The following SH3KBP1 variants were observed in gnomAD, a reference collection of about 807,000 sequenced individuals.
The protein encoded by SH3KBP1 is SH3 domain-containing kinase-binding protein 1.
In SH3KBP1, 8 loss-of-function variants were observed where a neutral mutation model predicts 50.1. The ratio of observed to expected loss-of-function variants is 0.16; its 90% CI spans 0.09 to 0.29. SH3KBP1 has a LOEUF of 0.29. SH3KBP1 is among the 10% of genes least tolerant of loss of function. The probability of loss-of-function intolerance (pLI) is 1.00; values close to 1 mark genes in which losing one functional copy is unlikely to be tolerated. For missense variants in SH3KBP1, 377 were observed against 535.2 expected, an observed-to-expected ratio of 0.70 and a Z score of 2.92; for synonymous variants, 227 against 218.6, an observed-to-expected ratio of 1.04 and a Z score of -0.34.
At chrX:19,569,900 T>C in intron 12 of SH3KBP1, among the ~76,000 whole-genome samples, 1 of 111,843 alleles carries the variant, frequency 8.9e-6, no homozygotes, top group Non-Finnish European at 1.9e-5. Context: ...GACAGCTCTT[T>C]GCACCCTTTT....
chrX:19,887,287 C>G lies in SH3KBP1; in HGVS notation c.4+20G>C. On this transcript the variant is annotated intron_variant, in intron 1 of 17. Coordinates refer to ENST00000397821, the MANE Select transcript of SH3KBP1 (RefSeq NM_031892.3). Reference sequence around the variant, plus strand: ...CTCAAGGCTGAAGTGGACGCCCGGACGCGGGCGGCCCCCACTCACCCATTG... The same window carrying G: ...CTCAAGGCTGAAGTGGACGCCCGGAGGCGGGCGGCCCCCACTCACCCATTG... The G allele has an allele frequency of 1.0e-6, 1 of 975,431 alleles. No individual in the cohort carries two copies. The highest frequency in any genetic ancestry group is 1.3e-6 in the Non-Finnish European group (1 of 775,551). 80.4% of individuals were successfully genotyped at this position (975,431 alleles called of 1,213,427 possible).
chrX:19,798,229 C>A (rs1401997289), intron 2 of SH3KBP1, among the ~76,000 whole-genome samples: 1 of 110,022 alleles, frequency 9.1e-6, no homozygotes, highest in Admixed American at 9.7e-5. Flanking sequence ...GGACTACAGG[C>A]GTGTGTCACC....
intron 14 of SH3KBP1, among the ~76,000 whole-genome samples, chrX:19,547,760 G>A (rs1362749304): frequency 8.9e-6 from 1 of 111,799 alleles, no homozygotes; most frequent in Non-Finnish European, 1.9e-5. Flanking sequence ...GCCCCAGGCT[G>A]GGGAATCATG....
chrX:19,554,102 TATC>T (rs2065370235), intron 13 of SH3KBP1, among the ~76,000 whole-genome samples: 2 of 74,574 alleles, frequency 2.7e-5, no homozygotes, highest in African/African-American at 5.8e-5. Context: ...TAATATTATA[TATC>T]ATATTAAAAT....
intron 5 of SH3KBP1, among the ~76,000 whole-genome samples, chrX:19,685,234 C>T (rs933384178): frequency 3.6e-5 from 4 of 112,256 alleles, no homozygotes; most frequent in African/African-American, 1.3e-4. Context: ...AATGATACAC[C>T]AAATACTTGC....
intron 1 of SH3KBP1, among the ~76,000 whole-genome samples, chrX:19,861,171 T>C (rs1048537433): frequency 9.1e-6 from 1 of 110,063 alleles, no homozygotes; most frequent in South Asian, 3.8e-4. Flanking sequence ...GGTCAGGAGA[T>C]CGAGACCATC....
intron 3 of SH3KBP1, among the ~76,000 whole-genome samples, chrX:19,723,839 T>G (rs1603116473): frequency 9.0e-6 from 1 of 110,934 alleles, no homozygotes; most frequent in East Asian, 2.8e-4. Context: ...GATGATTGTG[T>G]GGGGATCAGA....
chrX:19,657,958 G>A (rs73459655), intron 6 of SH3KBP1, among the ~76,000 whole-genome samples: 157 of 110,333 alleles, frequency 1.4e-3, no homozygotes, highest in African/African-American at 4.8e-3. Flanking sequence ...TTTCAATTTT[G>A]CAAGATAAAA....
intron 2 of SH3KBP1, among the ~76,000 whole-genome samples, chrX:19,760,047 T>C (rs368286935): frequency 1.3e-3 from 86 of 67,083 alleles, no homozygotes; most frequent in African/African-American, 5.6e-3. Context: ...TCTCCCTCTC[T>C]CTCTCTCTCT....
chrX:19,629,315 A>G (rs1195779263), intron 8 of SH3KBP1, among the ~76,000 whole-genome samples: 1 of 110,556 alleles, frequency 9.0e-6, no homozygotes, highest in Non-Finnish European at 1.9e-5. Flanking sequence ...AGGATCATCT[A>G]TCTGGATTTT....
intron 2 of SH3KBP1, among the ~76,000 whole-genome samples, chrX:19,748,861 T>C (rs2064993945): frequency 9.0e-6 from 1 of 111,179 alleles, no homozygotes; most frequent in Non-Finnish European, 1.9e-5. Flanking sequence ...AAATTCAGTA[T>C]TATCCCCCTA....
chrX:19,854,461 C>T (rs748672024), intron 1 of SH3KBP1, among the ~76,000 whole-genome samples: 1 of 111,801 alleles, frequency 8.9e-6, no homozygotes, highest in South Asian at 3.7e-4. Context: ...CTGAGTCAAA[C>T]AAGCTGGACT....
At chrX:19,565,051 ATTTTTTTT>A (rs59323105) in intron 13 of SH3KBP1, among the ~76,000 whole-genome samples, 13 of 66,516 alleles carry the variant, frequency 2.0e-4, no homozygotes, top group African/African-American at 9.8e-4. Flanking sequence ...TTCAACTCCA[ATTTTTTTT>A]TTTTTTTTTT....
At chrX:19,730,723 C>A (rs1485857360) in intron 3 of SH3KBP1, among the ~76,000 whole-genome samples, 3 of 111,259 alleles carry the variant, frequency 2.7e-5, no homozygotes, top group Admixed American at 9.5e-5. Flanking sequence ...TCCTGACAGG[C>A]AAAACTGATG....
intron 15 of SH3KBP1, among the ~76,000 whole-genome samples, chrX:19,544,423 G>A (rs892296351): frequency 8.1e-5 from 9 of 110,539 alleles, no homozygotes; most frequent in Admixed American, 3.9e-4. Flanking sequence ...AGACTCATAG[G>A]TAATAACTGG....
chrX:19,695,504 A>G, intron 5 of SH3KBP1, 108 bp downstream of exon 5: 1 of 983,311 alleles, frequency 1.0e-6, no homozygotes, highest in Non-Finnish European at 1.4e-6. Context: ...AAATACTCGT[A>G]AGCGTTTACT....
At chrX:19,766,691 G>GATGGGGTT (rs2065629012) in intron 2 of SH3KBP1, among the ~76,000 whole-genome samples, 1 of 107,381 alleles carries the variant, frequency 9.3e-6, no homozygotes, top group South Asian at 4.2e-4. Flanking sequence ...TTTTAGTAGA[G>GATGGGGTT]ATGGGGTTTC....
At chrX:19,684,270 C>T (rs1328490084) in intron 5 of SH3KBP1, among the ~76,000 whole-genome samples, 1 of 111,795 alleles carries the variant, frequency 8.9e-6, no homozygotes, top group Admixed American at 9.5e-5. Flanking sequence ...AATCTAATTC[C>T]AAAGCAGATA....
At chrX:19,667,733 A>G (rs1405816922) in intron 6 of SH3KBP1, among the ~76,000 whole-genome samples, 2 of 110,545 alleles carry the variant, frequency 1.8e-5, no homozygotes, top group Non-Finnish European at 3.8e-5. Flanking sequence ...AAGAGTGCAT[A>G]TAACTTTTAT....
Sources: gnomAD v4.1 joint callset for allele counts (sites outside exome capture counted in the v4.1 genomes callset) on GRCh38, gnomAD v4.1.1 for gene constraint, MANE v1.5 for transcripts, NCBI Gene and HGNC (gene_info 2026-07-23, HGNC 2026-07-21) for gene names.